Variants in CIDEA observed in about 807,000 individuals in gnomAD.
CIDEA encodes the protein lipid transferase CIDEA.
A neutral mutation model predicts 18.2 loss-of-function variants in CIDEA; 10 were observed. The ratio of observed to expected loss-of-function variants is 0.55; its 90% CI spans 0.34 to 0.93. CIDEA has a LOEUF of 0.93. Among genes scored for constraint, CIDEA ranks in the 40% least tolerant of loss-of-function variants. The pLI, the probability that CIDEA is intolerant of heterozygous loss-of-function variation, is 0.02. For missense variants in CIDEA, 309 were observed against 293.1 expected (o/e 1.05, Z -0.40); for synonymous variants, 128 against 124.8 (o/e 1.03, Z -0.17).
intron 4 of CIDEA, 74 bp downstream of exon 4, chr18:12,274,348 C>A: frequency 6.9e-7 from 1 of 1,448,020 alleles, no homozygotes; most frequent in Non-Finnish European, 9.6e-7. Flanking sequence ...AGTCCCCACC[C>A]TGTTCCTCTG....
At chr18:12,266,445 A>G (rs778780704) in intron 3 of CIDEA, among the ~76,000 whole-genome samples, 1 of 152,170 alleles carries the variant, frequency 6.6e-6, no homozygotes, top group Non-Finnish European at 1.5e-5. Flanking sequence ...ACAGAGGGAA[A>G]CCCTGTCTCA....
In CIDEA at chr18:12,264,363, T is replaced by C. The variant is rs774478987; in HGVS notation, c.240T>C (p.Asp80=). The C allele has an allele frequency of 1.2e-6, 2 of 1,613,918 alleles. No individual in the cohort carries two copies. Among genetic ancestry groups the C allele is most frequent in the Admixed American group, 1.7e-5 (1 of 60,006 alleles). Residue 80 remains aspartate (D), a synonymous_variant, in exon 3 of 5, where the codon GAT becomes GAC. Coordinates refer to ENST00000320477, the MANE Select transcript of CIDEA (RefSeq NM_001279.4). The part of the protein sequence containing the change: ...TGLVTLVLEE[D]GTVVDTEEFF... ...TGGTCACTCTGGTGCTGGAGGAAGA[T>C]GGCACCGTGGTGGACACAGAAGAGT...
intron 3 of CIDEA, among the ~76,000 whole-genome samples, chr18:12,268,114 G>T (rs1335654666): frequency 4.6e-5 from 7 of 151,720 alleles, no homozygotes; most frequent in Non-Finnish European, 7.4e-5. Flanking sequence ...GCCCAGGCTG[G>T]AGTGCAGTGG....
In CIDEA at chr18:12,274,146, A is replaced by G. The variant is rs1356694754; in HGVS notation, c.384A>G (p.Arg128=). 6.2e-7 allele frequency: 1 copy of G among 1,614,188 alleles called. No individual in the cohort carries two copies. Among genetic ancestry groups the G allele is most frequent in the East Asian group, 2.2e-5 (1 of 44,888 alleles). Reference sequence around the variant, plus strand: ...CGCCGAAGAGGTCGGGAATAGCGAGAGTCACCTTCGACTTGTACAGGCTGA... The same window carrying G: ...CGCCGAAGAGGTCGGGAATAGCGAGGGTCACCTTCGACTTGTACAGGCTGA... ...CSPPKRSGIA[R]VTFDLYRLNP... Residue 128 remains arginine, a synonymous_variant, in exon 4 of 5, where the codon AGA becomes AGG. Transcript: ENST00000320477.
chr18:12,270,069 C>G (rs1912469929), intron 3 of CIDEA, among the ~76,000 whole-genome samples: 1 of 152,176 alleles, frequency 6.6e-6, no homozygotes, highest in Non-Finnish European at 1.5e-5. Flanking sequence ...CTTTGATAAA[C>G]TCCACATCAA....
Position 12,264,426 on chromosome 18 carries a change from CT to C in CIDEA, c.305del (p.Leu102TrpfsTer25). On this transcript the variant is annotated frameshift_variant, in exon 3 of 5. Coordinates refer to ENST00000320477, the MANE Select transcript of CIDEA (RefSeq NM_001279.4). LOFTEE classifies it high-confidence loss of function. ...TLGDNTHFMI[L>X]EKGQKWMPGS... ...TGGGAGACAACACGCATTTCATGAT[CT>C]TGGAAAAAGGACAGAAGTGGATGCC... 6.2e-7 allele frequency: 1 copy of C among 1,613,722 alleles called. No individual in the cohort carries two copies. The highest frequency in any genetic ancestry group is 8.5e-7 in the Non-Finnish European group (1 of 1,179,822).
At chr18:12,272,165 G>GT (rs1912562763) in intron 3 of CIDEA, among the ~76,000 whole-genome samples, 38 of 11,702 alleles carry the variant, frequency 3.2e-3, no homozygotes, top group Non-Finnish European at 0.013. Context: ...GGGGGGGTTG[G>GT]GGGGGGGTTG....
At chr18:12,254,909 G>C in intron 1 of CIDEA, 3 of 1,262,698 alleles carry the variant, frequency 2.4e-6, no homozygotes, top group Non-Finnish European at 3.1e-6. Context: ...GGAAGCGCGG[G>C]CTCTGGTCTC....
intron 3 of CIDEA, among the ~76,000 whole-genome samples, chr18:12,270,150 T>C (rs1228423298): frequency 6.6e-6 from 1 of 152,002 alleles, no homozygotes; most frequent in Non-Finnish European, 1.5e-5. Context: ...GTGCTAAAAA[T>C]AGAGAAAAGT....
intron 3 of CIDEA, among the ~76,000 whole-genome samples, chr18:12,267,426 T>A (rs1912382187): frequency 6.6e-6 from 1 of 152,254 alleles, no homozygotes; most frequent in South Asian, 2.1e-4. Flanking sequence ...CAGGCATCCA[T>A]GTGGATACAC....
At position 12,262,909 on chromosome 18, in the gene CIDEA, C is replaced by T. The variant is rs539599365; in HGVS notation, c.123C>T (p.Asn41=). The T allele has an allele frequency of 1.2e-6, 2 of 1,614,194 alleles. No homozygotes were observed. Among genetic ancestry groups the T allele is most frequent in the South Asian group, 2.2e-5 (2 of 91,084 alleles). The change falls in exon 2 of 5, where the codon AAC becomes AAT. Residue 41 remains asparagine, a synonymous_variant. Coordinates refer to ENST00000320477, the MANE Select transcript of CIDEA (RefSeq NM_001279.4). ...MHPARPFRVS[N]HDRSSRRGVM... is the part of the protein sequence containing the mutation. ...CAGCTCGCCCTTTCCGGGTCTCCAA[C>T]CATGACAGGAGCAGCCGGCGTGGGG...
chr18:12,271,259 G>C (rs1372264939), intron 3 of CIDEA, among the ~76,000 whole-genome samples: 1 of 152,186 alleles, frequency 6.6e-6, no homozygotes, highest in South Asian at 2.1e-4. Flanking sequence ...TTACTGGGGC[G>C]GGGTTGGGGT....
In CIDEA at chr18:12,277,124, A is replaced by T. The variant is rs1396728393; in HGVS notation, c.514A>T (p.Ser172Cys). ...RCTGLKGLLR[S>C]LLRFLSYSAQ... is the part of the protein sequence containing the mutation. ...CCTCCCCATCTGCCTCTGCCACAGG[A>T]GTCTGCTGCGGTTCCTGTCCTACTC... Residue 172 changes from serine to cysteine, a missense_variant and splice_region_variant, in exon 5 of 5, where the codon AGT (serine) becomes TGT (cysteine). Transcript: ENST00000320477. 6.2e-7 allele frequency: 1 copy of T among 1,613,972 alleles called. No homozygotes were observed. Among genetic ancestry groups the T allele is most frequent in the Non-Finnish European group, 8.5e-7 (1 of 1,179,956 alleles).
intron 3 of CIDEA, among the ~76,000 whole-genome samples, chr18:12,268,875 G>C (rs1912435840): frequency 6.6e-6 from 1 of 151,318 alleles, no homozygotes; most frequent in African/African-American, 2.4e-5. Flanking sequence ...GCCCAGGCTG[G>C]AGTGCAGTGG....
rs149108439 is a variant in CIDEA, at chr18:12,275,993, C to CTTTT, written c.513-1128_513-1127insTTTT. Among the ~76,000 whole-genome samples, 43 of 129,690 alleles carry CTTTT rather than the reference C, an allele frequency of 3.3e-4. 14 individuals are homozygous for CTTTT. Among genetic ancestry groups the CTTTT allele is most frequent in the Non-Finnish European group, 3.9e-4 (24 of 62,076 alleles). 85.1% of individuals were successfully genotyped at this position (129,690 alleles called of 152,430 possible). Reference sequence around the variant, plus strand: ...GTGAAATCTTTTTTCTTTTTCTTTTCTTATTTTTTTTCTTTTTTGAGACGG... The same window carrying CTTTT: ...GTGAAATCTTTTTTCTTTTTCTTTTCTTTTTTATTTTTTTTCTTTTTTGAGACGG... On this transcript the variant is annotated intron_variant, in intron 4 of 4. Transcript: ENST00000320477.
At chr18:12,268,524 A>T (rs1912425127) in intron 3 of CIDEA, among the ~76,000 whole-genome samples, 1 of 151,126 alleles carries the variant, frequency 6.6e-6, no homozygotes, top group African/African-American at 2.4e-5. Context: ...AGTAGCTGGG[A>T]CTACAGGCAT....
chr18:12,268,044 A>C (rs1912400195), intron 3 of CIDEA, among the ~76,000 whole-genome samples: 1 of 152,090 alleles, frequency 6.6e-6, no homozygotes, highest in African/African-American at 2.4e-5. Context: ...AGATATTCCC[A>C]ATAGTCAAAA....
intron 3 of CIDEA, among the ~76,000 whole-genome samples, chr18:12,267,771 A>C (rs1451707937): frequency 6.6e-6 from 1 of 152,228 alleles, no homozygotes; most frequent in Non-Finnish European, 1.5e-5. Flanking sequence ...CTGGGATTAC[A>C]GGCATGAGCC....
rs952479117 is a variant in CIDEA at position 12,277,055 on chromosome 18, C to G, written c.513-68C>G. ...CTTTTGGTGGGGGGAGTGAAGTATT[C>G]CCATCCTGTCTGTTTCTCACTGGCC... On this transcript the variant is annotated intron_variant, in intron 4 of 4. Coordinates refer to ENST00000320477, the MANE Select transcript of CIDEA (RefSeq NM_001279.4). 6.4e-6 allele frequency: 10 copies of G among 1,571,036 alleles called. No homozygotes were observed. In the African/African-American group the frequency reaches 8.1e-5, roughly 13 times the overall value.
Sources: allele counts gnomAD v4.1 joint callset (sites outside exome capture counted in the v4.1 genomes callset), GRCh38; gene constraint gnomAD v4.1.1; transcripts MANE v1.5; gene names NCBI Gene and HGNC (gene_info 2026-07-23, HGNC 2026-07-21).